The following DCT variants were observed in gnomAD, a reference collection of about 807,000 sequenced individuals.
The protein encoded by DCT is dopachrome tautomerase, also known as L-dopachrome tautomerase.
A neutral mutation model predicts 53.0 loss-of-function variants in DCT; 47 were observed. That is an observed-to-expected ratio of 0.89 (90% CI 0.70 to 1.13). The LOEUF is 1.13. DCT is among the 50% of genes most tolerant of loss of function. The probability of loss-of-function intolerance (pLI) is 0.00; values close to 1 mark genes in which losing one functional copy is unlikely to be tolerated. For synonymous variants in DCT, 244 were observed against 237.0 expected, an observed-to-expected ratio of 1.03 and a Z score of -0.27; for missense variants, 669 against 637.4, an observed-to-expected ratio of 1.05 and a Z score of -0.53.
intron 7 of DCT, among the ~76,000 whole-genome samples, chr13:94,441,956 C>T (rs1346830129): frequency 2.0e-5 from 3 of 152,114 alleles, no homozygotes; most frequent in Non-Finnish European, 4.4e-5. Flanking sequence ...TTTTACATTC[C>T]CACCAGCAAT....
At chr13:94,518,599 C>A in the DCT span, among the ~76,000 whole-genome samples, 1 of 152,178 alleles carries the variant, frequency 6.6e-6, no homozygotes, top group African/African-American at 2.4e-5. Flanking sequence ...TCACATTTCT[C>A]CACTTTTTAC....
intron 1 of DCT, among the ~76,000 whole-genome samples, chr13:94,475,158 G>T (rs150159409): frequency 4.6e-5 from 7 of 152,254 alleles, no homozygotes; most frequent in African/African-American, 1.7e-4. Flanking sequence ...ATTAATTGAA[G>T]GACATGTGTC....
At chr13:94,454,640 T>C (rs1387501384) in intron 6 of DCT, among the ~76,000 whole-genome samples, 1 of 152,204 alleles carries the variant, frequency 6.6e-6, no homozygotes, top group Admixed American at 6.5e-5. Flanking sequence ...TGTAGCTCTA[T>C]TGCTTGGAGA....
At chr13:94,445,871 A>T in intron 6 of DCT, 33 of 693,220 alleles carry the variant, frequency 4.8e-5, no homozygotes, top group Non-Finnish European at 7.9e-5. Context: ...TCCTGGAGGC[A>T]GGGGAGAAAC....
intron 6 of DCT, among the ~76,000 whole-genome samples, 175 bp downstream of exon 6, chr13:94,459,916 G>A (rs1334322531): frequency 6.6e-6 from 1 of 152,184 alleles, no homozygotes; most frequent in Non-Finnish European, 1.5e-5. Context: ...GTTCTGATTA[G>A]GGCCTTCAAA....
the DCT span, among the ~76,000 whole-genome samples, chr13:94,518,157 T>G: frequency 0.35 from 37,206 of 105,300 alleles, 5,499 homozygotes; most frequent in East Asian, 0.6. Context: ...AAGGAAGGAA[T>G]GAAGGAAGGA....
intron 6 of DCT, among the ~76,000 whole-genome samples, chr13:94,453,324 TATGAAAAGAAATAAACAAA>T (rs1398283822): frequency 6.6e-6 from 1 of 151,972 alleles, no homozygotes; most frequent in Non-Finnish European, 1.5e-5. Context: ...CATATGAGAA[TATGAAAAGAAATAAACAAA>T]AAAATTGAGA....
At chr13:94,471,016 G>C (rs1884611489) in intron 1 of DCT, among the ~76,000 whole-genome samples, 1 of 152,114 alleles carries the variant, frequency 6.6e-6, no homozygotes, top group Non-Finnish European at 1.5e-5. Context: ...CTGTTCTGTG[G>C]GTTTGCAGAA....
chr13:94,509,961 C>A, the DCT span, among the ~76,000 whole-genome samples: 2 of 152,154 alleles, frequency 1.3e-5, no homozygotes, highest in South Asian at 4.1e-4. Flanking sequence ...TCATTCTTGA[C>A]AAGGAGCATC....
the DCT span, among the ~76,000 whole-genome samples, chr13:94,541,891 G>A: frequency 2.8e-4 from 42 of 152,096 alleles, no homozygotes; most frequent in Admixed American, 2.5e-3. Context: ...GCTACACACG[G>A]GTCATTGCAG....
the DCT span, among the ~76,000 whole-genome samples, chr13:94,486,662 G>C: frequency 6.6e-6 from 1 of 152,216 alleles, no homozygotes; most frequent in Middle Eastern, 3.2e-3. Context: ...CTTCCCCATA[G>C]AAAGCAGCTT....
chr13:94,491,607 C>A, the DCT span, among the ~76,000 whole-genome samples: 11 of 152,294 alleles, frequency 7.2e-5, no homozygotes, highest in East Asian at 1.5e-3. Context: ...CTTTTTACAA[C>A]CAAGTCATCC....
At chr13:94,494,304 C>G in the DCT span, among the ~76,000 whole-genome samples, 1 of 152,210 alleles carries the variant, frequency 6.6e-6, no homozygotes, top group African/African-American at 2.4e-5. Context: ...ATTTTGATTG[C>G]TTTGTCACTA....
chr13:94,514,872 T>C, the DCT span, among the ~76,000 whole-genome samples: 1 of 152,208 alleles, frequency 6.6e-6, no homozygotes, highest in South Asian at 2.1e-4. Context: ...TGGAAAAAGT[T>C]AACTAGGTTT....
the DCT span, among the ~76,000 whole-genome samples, chr13:94,487,858 T>G: frequency 1.3e-5 from 2 of 152,102 alleles, no homozygotes; most frequent in African/African-American, 2.4e-5. Flanking sequence ...AGAGTTTTGC[T>G]TTCTACATCT....
chr13:94,457,003 G>T (rs1276877152), intron 6 of DCT, among the ~76,000 whole-genome samples: 1 of 152,216 alleles, frequency 6.6e-6, no homozygotes, highest in African/African-American at 2.4e-5. Context: ...AGTGGCACGT[G>T]CCTGTAATCC....
the DCT span, among the ~76,000 whole-genome samples, chr13:94,484,697 C>T: frequency 6.6e-6 from 1 of 152,312 alleles, no homozygotes; most frequent in South Asian, 2.1e-4. Context: ...ACATGCACTT[C>T]TGGTGCCTTC....
chr13:94,514,026 T>C, the DCT span, among the ~76,000 whole-genome samples: 1 of 144,688 alleles, frequency 6.9e-6, no homozygotes, highest in Non-Finnish European at 1.5e-5. Flanking sequence ...GATACCTATC[T>C]CTTTTCTTGA....
chr13:94,444,171 A>G (rs1405463486), intron 6 of DCT, among the ~76,000 whole-genome samples: 1 of 152,188 alleles, frequency 6.6e-6, no homozygotes, highest in Non-Finnish European at 1.5e-5. Flanking sequence ...TGCCAACATG[A>G]CACTTGAAGG....
Sources: gnomAD v4.1 joint callset for allele counts (sites outside exome capture counted in the v4.1 genomes callset) on GRCh38, gnomAD v4.1.1 for gene constraint, MANE v1.5 for transcripts, NCBI Gene and HGNC (gene_info 2026-07-23, HGNC 2026-07-21) for gene names.